The following ENTPD5 variants were observed in gnomAD, a reference collection of about 807,000 sequenced individuals.
ENTPD5 encodes ectonucleoside triphosphate diphosphohydrolase 5 (inactive).
ENTPD5 carries 49 observed loss-of-function variants against 60.2 expected under a neutral mutation model. The ratio of observed to expected loss-of-function variants is 0.81; its 90% confidence interval spans 0.65 to 1.03. The LOEUF is 1.03. Among genes scored for constraint, ENTPD5 ranks in the 50% least tolerant of loss-of-function variants. The probability of loss-of-function intolerance (pLI) is 0.00; values close to 1 mark genes in which losing one functional copy is unlikely to be tolerated. For synonymous variants in ENTPD5, 187 were observed against 185.4 expected, an observed-to-expected ratio of 1.01 and a Z score of -0.07; for missense variants, 480 against 507.6, an observed-to-expected ratio of 0.95 and a Z score of 0.52.
Position 73,966,765 on chromosome 14 carries a change from T to C in ENTPD5, c.*163A>G, listed in dbSNP as rs2056987948. 1 of 595,520 alleles carries C rather than the reference T, an allele frequency of 1.7e-6. No individual in the cohort carries two copies. Among genetic ancestry groups the C allele is most frequent in the Non-Finnish European group, 3.0e-6 (1 of 336,298 alleles). 36.9% of individuals were successfully genotyped at this position (595,520 alleles called of 1,614,324 possible). ...ATGCTCTGGTGCCAGCTGTGTACTC[T>C]TGAGTGGTTAGGCAGCAGTTCACAT... On this transcript the variant is annotated 3_prime_UTR_variant, in exon 16 of 16. Coordinates refer to ENST00000334696, the MANE Select transcript of ENTPD5 (RefSeq NM_001249.5).
chr14:74,002,669 T>C (rs1039770019), intron 3 of ENTPD5, among the ~76,000 whole-genome samples: 1 of 152,228 alleles, frequency 6.6e-6, no homozygotes, highest in African/African-American at 2.4e-5. Context: ...CCCAAGCCAC[T>C]ATCATCTTTC....
Position 73,971,920 on chromosome 14 carries a change from CAG to C in ENTPD5, c.1028-14_1028-13del, listed in dbSNP as rs2057243651. The stretch of plus-strand genomic sequence containing the variant: ...CCCCTTTTCATAATCTGAAATAAAA[CAG>C]AAGATTATCTGATATCAAAACGCCT... On this transcript the variant is annotated splice_polypyrimidine_tract_variant and intron_variant, in intron 13 of 15. Coordinates refer to ENST00000334696, the MANE Select transcript of ENTPD5 (RefSeq NM_001249.5). The C allele has an allele frequency of 6.6e-7, 1 of 1,523,174 alleles. No individual in the cohort carries two copies. Among genetic ancestry groups the C allele is most frequent in the Non-Finnish European group, 9.1e-7 (1 of 1,097,336 alleles). The allele number at this position is 1,523,174 out of a possible 1,614,324, so 94.4% of individuals were successfully genotyped here.
chr14:73,995,923 G>A (rs952925160), intron 3 of ENTPD5, among the ~76,000 whole-genome samples: 10 of 152,172 alleles, frequency 6.6e-5, no homozygotes, highest in African/African-American at 2.4e-4. Flanking sequence ...TCTGGTGCCA[G>A]CCAGTGTTTG....
At chr14:73,977,153 T>C (rs1278133443) in intron 7 of ENTPD5, 94 bp from the exon 8 acceptor site, 2 of 1,314,770 alleles carry the variant, frequency 1.5e-6, no homozygotes, top group South Asian at 2.5e-5. Flanking sequence ...CTAAATTCCA[T>C]GTCTAGAGCA....
At chr14:73,996,701 T>C (rs771853386) in intron 3 of ENTPD5, 2 of 152,206 alleles carry the variant, frequency 1.3e-5, no homozygotes, top group African/African-American at 2.4e-5. Flanking sequence ...CTTAGCACTT[T>C]GGAAGGTCGA....
At position 73,968,266 on chromosome 14, in the gene ENTPD5, GTT is replaced by G. The variant is rs2057070002; in HGVS notation, c.1201-1254_1201-1253del. Among the ~76,000 whole-genome samples, 8 of 152,224 alleles carry G rather than the reference GTT, an allele frequency of 5.3e-5. No individual in the cohort carries two copies. The South Asian group carries it at 1.7e-3, about 32-fold the overall frequency. ...TATATAAGAAGAGGATTAGATTAGT[GTT>G]TATCGGTTTATCAATTTGTTTTCTT... On this transcript the variant is annotated intron_variant, in intron 15 of 15. Transcript: ENST00000334696.
At chr14:73,957,896 A>T, downstream of ENTPD5, 2 of 466,580 alleles carry the variant, frequency 4.3e-6, no homozygotes, top group Admixed American at 3.3e-5. Flanking sequence ...GCGCAGAAGC[A>T]TGTGGACAGT....
intron 3 of ENTPD5, among the ~76,000 whole-genome samples, chr14:74,005,386 A>G (rs996185428): frequency 1.3e-5 from 2 of 151,392 alleles, no homozygotes; most frequent in Non-Finnish European, 2.9e-5. Context: ...AAAGAAATAT[A>G]GGCAGGGTTT....
At chr14:73,984,121 G>C (rs369331759) in intron 5 of ENTPD5, among the ~76,000 whole-genome samples, 2 of 151,970 alleles carry the variant, frequency 1.3e-5, no homozygotes, top group East Asian at 3.9e-4. Context: ...TCTGCCTCCC[G>C]GGTTCAAGCG....
intron 1 of ENTPD5, among the ~76,000 whole-genome samples, chr14:74,016,762 A>G (rs537769423): frequency 6.6e-6 from 1 of 152,340 alleles, no homozygotes; most frequent in South Asian, 2.1e-4. Context: ...CTGTAAGCCT[A>G]TGTTCAAATG....
intron 6 of ENTPD5, among the ~76,000 whole-genome samples, chr14:73,979,046 A>G (rs934661740): frequency 6.6e-6 from 1 of 152,114 alleles, no homozygotes; most frequent in African/African-American, 2.4e-5. Flanking sequence ...CTCTCCAGCT[A>G]TGCTGACCTC....
At chr14:74,009,271 A>G (rs1041352608) in intron 3 of ENTPD5, 2 of 152,206 alleles carry the variant, frequency 1.3e-5, no homozygotes, top group African/African-American at 4.8e-5. Flanking sequence ...ATCTGAGGTG[A>G]TAAGCTCTGT....
At chr14:73,986,987 T>C in intron 4 of ENTPD5, 94 bp from the exon 5 acceptor site, 1 of 915,634 alleles carries the variant, frequency 1.1e-6, no homozygotes, top group South Asian at 1.3e-5. Context: ...AGTTTTCCTA[T>C]GACTTCCCTG....
chr14:73,958,695 T>G (rs1483923984), downstream of ENTPD5: 6 of 1,355,746 alleles, frequency 4.4e-6, no homozygotes, highest in Non-Finnish European at 5.7e-6. Flanking sequence ...ACTGAAACTT[T>G]CCTTATTGCT....
Position 73,983,035 on chromosome 14 carries a change from T to C in ENTPD5, c.424A>G (p.Lys142Glu), listed in dbSNP as rs755442821. 3 of 1,614,068 alleles carry C rather than the reference T, an allele frequency of 1.9e-6. No individual in the cohort carries two copies. The South Asian group carries it at 3.3e-5, about 18-fold the overall frequency. ...GLRLLPEHKA[K>E]ALLFEVKEIF... ...AAACTTACCTCAAAGAGCAGAGCCT[T>C]GGCTTTGTGTTCTGGCAGTAAGCGT... Residue 142 changes from lysine (K) to glutamate (E), a missense_variant, in exon 6 of 16, where the codon AAG becomes GAG. By Grantham distance (56) the Lys-to-Glu change is moderately conservative (BLOSUM62 1). Coordinates refer to ENST00000334696, the MANE Select transcript of ENTPD5 (RefSeq NM_001249.5).
chr14:73,958,093 C>T, downstream of ENTPD5: 2 of 1,443,882 alleles, frequency 1.4e-6, no homozygotes, highest in Non-Finnish European at 2.0e-6. Flanking sequence ...GCTTTTTCCT[C>T]AGCCTATGTG....
intron 9 of ENTPD5, 71 bp from the exon 10 acceptor site, chr14:73,976,086 G>A (rs1052321559): frequency 1.3e-5 from 17 of 1,262,868 alleles, no homozygotes; most frequent in East Asian, 4.6e-5. Context: ...ACCACCACCC[G>A]TCCCTCCCAG....
At chr14:73,983,212 G>A in intron 5 of ENTPD5, 51 bp from the exon 6 acceptor site, 3 of 1,566,692 alleles carry the variant, frequency 1.9e-6, no homozygotes, top group Non-Finnish European at 1.7e-6. Context: ...TTAGTGGCTG[G>A]CACTGGTCTA....
rs149673221 is a variant in ENTPD5 at position 73,966,986 on chromosome 14, G to A, written c.1229C>T (p.Thr410Met). The A allele has an allele frequency of 4.1e-4, 656 of 1,613,986 alleles. 2 individuals carry two copies. The highest frequency in any genetic ancestry group is 5.0e-4 in the Non-Finnish European group (586 of 1,179,954). ...AAAGGTGGCCCCCAAGGCCCAGCCC[G>A]TCTCTATGTTGTTCACTTTCTTTGT... ...QLTKKVNNIE[T>M]GWALGATFHL... The change falls in exon 16 of 16, where the codon ACG becomes ATG. Residue 410 changes from threonine (T) to methionine (M), a missense_variant. By Grantham distance (81) the Thr-to-Met change is moderately conservative. Coordinates refer to ENST00000334696, the MANE Select transcript of ENTPD5 (RefSeq NM_001249.5).
Sources: allele counts gnomAD v4.1 joint callset (sites outside exome capture counted in the v4.1 genomes callset), GRCh38; gene constraint gnomAD v4.1.1; transcripts MANE v1.5; gene names NCBI Gene and HGNC (gene_info 2026-07-23, HGNC 2026-07-21).